Variants in CPAP observed in about 807,000 individuals in gnomAD.
The protein encoded by CPAP is centrosome assembly and centriole elongation protein, also known as centrosomal P4.1-associated protein.
the CPAP span, among the ~76,000 whole-genome samples, chr13:24,908,321 G>A: frequency 2.0e-5 from 3 of 151,456 alleles, no homozygotes; most frequent in African/African-American, 4.9e-5. Flanking sequence ...ACTTGAGGCC[G>A]GGTGTGGTGG....
the CPAP span, chr13:24,932,885 C>T: frequency 1.5e-5 from 10 of 664,058 alleles, no homozygotes; most frequent in Non-Finnish European, 2.7e-5. Flanking sequence ...CAATTTACAA[C>T]ATGATTACAA....
At chr13:24,923,115 A>G in the CPAP span, among the ~76,000 whole-genome samples, 1 of 152,210 alleles carries the variant, frequency 6.6e-6, no homozygotes, top group Non-Finnish European at 1.5e-5. Context: ...CCAGGCTCCC[A>G]CACTTAGAAA....
the CPAP span, chr13:24,882,749 A>T: frequency 5.5e-6 from 1 of 183,304 alleles, no homozygotes; most frequent in African/African-American, 2.4e-5. Context: ...TACTAACTGA[A>T]CATAGTAATA....
At chr13:24,895,226 C>A in the CPAP span, among the ~76,000 whole-genome samples, 1 of 152,242 alleles carries the variant, frequency 6.6e-6, no homozygotes, top group Non-Finnish European at 1.5e-5. Context: ...AGAGCAGCCC[C>A]GGAGGAGCCC....
the CPAP span, among the ~76,000 whole-genome samples, chr13:24,917,184 G>T: frequency 6.6e-6 from 1 of 152,186 alleles, no homozygotes; most frequent in African/African-American, 2.4e-5. Flanking sequence ...CTGGGAGGCA[G>T]CAGATCTTGC....
chr13:24,912,731 A>G, the CPAP span: 2 of 1,614,190 alleles, frequency 1.2e-6, no homozygotes, highest in Non-Finnish European at 8.5e-7. Context: ...ATGCAAGGAA[A>G]GGCTGTATGG....
the CPAP span, chr13:24,889,547 A>G: frequency 3.1e-6 from 2 of 651,342 alleles, no homozygotes; most frequent in Admixed American, 5.4e-5. Flanking sequence ...GCCAAAGCAA[A>G]CAAGCTGTTA....
chr13:24,891,930 G>A, the CPAP span, among the ~76,000 whole-genome samples: 3 of 152,056 alleles, frequency 2.0e-5, no homozygotes, highest in South Asian at 2.1e-4. Flanking sequence ...AGGCTCAGGC[G>A]GCCACCCAGG....
chr13:24,884,161 C>G, the CPAP span: 1 of 1,613,984 alleles, frequency 6.2e-7, no homozygotes, highest in Non-Finnish European at 8.5e-7. Flanking sequence ...AAGTTTGTAC[C>G]TATTTGTCCA....
chr13:24,895,956 A>G, the CPAP span, among the ~76,000 whole-genome samples: 1 of 152,348 alleles, frequency 6.6e-6, no homozygotes, highest in South Asian at 2.1e-4. Context: ...ATTTTTCAAC[A>G]TAACTGTAAT....
chr13:24,914,130 A>C, the CPAP span, among the ~76,000 whole-genome samples: 1 of 152,200 alleles, frequency 6.6e-6, no homozygotes, highest in Admixed American at 6.5e-5. Flanking sequence ...TGGGAAAAGG[A>C]GGTTGTAACT....
At chr13:24,885,531 C>T in the CPAP span, 43 of 1,278,730 alleles carry the variant, frequency 3.4e-5, no homozygotes, top group African/African-American at 3.2e-4. Flanking sequence ...GGTTTAGAAA[C>T]GTTAAGTCTA....
the CPAP span, chr13:24,883,446 T>C: frequency 2.4e-6 from 3 of 1,234,046 alleles, no homozygotes; most frequent in South Asian, 1.4e-5. Context: ...TACTGAAAAG[T>C]AGCCTTTTGA....
chr13:24,886,606 G>GCAGA, the CPAP span, among the ~76,000 whole-genome samples: 1 of 152,298 alleles, frequency 6.6e-6, no homozygotes, highest in African/African-American at 2.4e-5. Context: ...GGGGCAGATG[G>GCAGA]CAGACAAGGC....
chr13:24,928,815 T>C, the CPAP span, among the ~76,000 whole-genome samples: 1 of 152,306 alleles, frequency 6.6e-6, no homozygotes, highest in Non-Finnish European at 1.5e-5. Context: ...CTATTGCTGG[T>C]GTATTGGACT....
chr13:24,921,752 A>C, the CPAP span, among the ~76,000 whole-genome samples: 1 of 152,224 alleles, frequency 6.6e-6, no homozygotes, highest in Non-Finnish European at 1.5e-5. Context: ...GGAAAACTAG[A>C]AAAATTCCCT....
chr13:24,895,335 G>A, the CPAP span, among the ~76,000 whole-genome samples: 1 of 152,220 alleles, frequency 6.6e-6, no homozygotes, highest in African/African-American at 2.4e-5. Context: ...CAGCACTTTG[G>A]GAGGCTGAGA....
At chr13:24,931,306 C>CTTTTTCT in the CPAP span, among the ~76,000 whole-genome samples, 1 of 72,646 alleles carries the variant, frequency 1.4e-5, no homozygotes, top group Non-Finnish European at 2.4e-5. Flanking sequence ...TTTCATGTTT[C>CTTTTTCT]TTTTTTTTTT....
the CPAP span, among the ~76,000 whole-genome samples, chr13:24,921,152 T>C: frequency 1.3e-5 from 2 of 152,190 alleles, no homozygotes; most frequent in African/African-American, 2.4e-5. Context: ...TAAGTCAGTA[T>C]GCTGAAACTG....
Sources: allele counts gnomAD v4.1 joint callset (sites outside exome capture counted in the v4.1 genomes callset), GRCh38; gene constraint gnomAD v4.1.1; transcripts MANE v1.5; gene names NCBI Gene and HGNC (gene_info 2026-07-23, HGNC 2026-07-21).